Variants in PRXL2C observed in about 807,000 individuals in gnomAD.
PRXL2C encodes the protein peroxiredoxin-like 2C.
In PRXL2C, 38 loss-of-function variants were observed where a neutral mutation model predicts 24.9. The observed-to-expected ratio is 1.53, with a 90% CI of 1.18 to 2.00. The LOEUF (loss-of-function observed/expected upper bound fraction) is 2.00, where lower values mean the gene tolerates loss of function less well. Among genes scored for constraint, PRXL2C ranks in the 30% most tolerant of loss-of-function variants. The probability of loss-of-function intolerance (pLI) is 0.00; values close to 1 mark genes in which losing one functional copy is unlikely to be tolerated. For synonymous variants in PRXL2C, 98 were observed against 117.2 expected (o/e 0.84, Z 1.06); for missense variants, 294 against 290.9 (o/e 1.01, Z -0.08).
chr9:96,655,089 C>T lies in PRXL2C; in HGVS notation c.192+1G>A. On this transcript the variant is annotated splice_donor_variant, in intron 1 of 5. Transcript: ENST00000375234. LOFTEE classifies it high-confidence loss of function. ...CCCTTCCAGCCCCGCCGCCCGCTCA[C>T]CCGCACGAACACCACCACGGCGCGG... 6.9e-7 allele frequency: 1 copy of T among 1,454,042 alleles called. No homozygotes were observed. The highest frequency in any genetic ancestry group is 9.0e-7 in the Non-Finnish European group (1 of 1,109,168). The allele number at this position is 1,454,042 out of a possible 1,614,324, so 90.1% of individuals were successfully genotyped here.
rs900851899 is a variant in PRXL2C at position 96,641,292 on chromosome 9, C to A, written c.*467G>T. On this transcript the variant is annotated 3_prime_UTR_variant, in exon 6 of 6. Transcript: ENST00000375234. ...TTTGGTGTTTATTTCCTGTCTTTTT[C>A]CAAAGCATACAAAAATACAAATATA... 1 of 152,124 alleles carries A rather than the reference C, an allele frequency of 6.6e-6. No homozygotes were observed. Among genetic ancestry groups the A allele is most frequent in the African/African-American group, 2.4e-5 (1 of 41,390 alleles). The allele number at this position is 152,124 out of a possible 1,614,324, so 9.4% of individuals were successfully genotyped here.
Position 96,654,802 on chromosome 9 carries a change from G to GT in PRXL2C, c.193-30dup, listed in dbSNP as rs561155813. The GT allele has an allele frequency of 1.3e-4, 207 of 1,548,380 alleles. No individual in the cohort carries two copies. In the African/African-American group the frequency reaches 2.5e-3, roughly 19 times the overall value. On this transcript the variant is annotated intron_variant, in intron 1 of 5. Coordinates refer to ENST00000375234, the MANE Select transcript of PRXL2C (RefSeq NM_153698.2). ...AAAGCCAAAACGGCAGAAAGGGCAAGTTAGTAAAGCAGCACCCTCGGGCCC... is the reference window on the plus strand; with the variant it reads ...AAAGCCAAAACGGCAGAAAGGGCAAGTTTAGTAAAGCAGCACCCTCGGGCCC...
chr9:96,644,878 A>ATTCT lies in PRXL2C; in HGVS notation c.553+1011_553+1014dup, dbSNP rs1564408113. Among the ~76,000 whole-genome samples the ATTCT allele has an allele frequency of 2.9e-4, 17 of 58,080 alleles. 2 individuals carry two copies. Among genetic ancestry groups the ATTCT allele is most frequent in the African/African-American group, 9.4e-4 (17 of 18,116 alleles). 38.1% of individuals were successfully genotyped at this position (58,080 alleles called of 152,430 possible). On this transcript the variant is annotated intron_variant, in intron 5 of 5. Transcript: ENST00000375234. Reference sequence around the variant, plus strand: ...TTGTTAGGTATAAATAACTACATGGATTCTTTTTTTTTTTTTTTTTTTTTT... The same window carrying ATTCT: ...TTGTTAGGTATAAATAACTACATGGATTCTTTCTTTTTTTTTTTTTTTTTTTTTT...
In PRXL2C at chr9:96,646,010, T is replaced by A; in HGVS notation, c.436A>T (p.Ile146Leu). The change falls in exon 5 of 6, where the codon ATA (isoleucine) becomes TTA (leucine). Residue 146 changes from isoleucine to leucine, a missense_variant. Transcript: ENST00000375234. Reference sequence around the variant, plus strand: ...CTTCCTGAGAGTAGATTTGATTTTATGTGGGGGCTCTGTCCTGAAATGTCG... The same window carrying A: ...CTTCCTGAGAGTAGATTTGATTTTAAGTGGGGGCTCTGTCCTGAAATGTCG... ...EIASSGQSPH[I>L]KSNLLSGSLQ... The A allele has an allele frequency of 6.2e-7, 1 of 1,611,684 alleles. No homozygotes were observed. The highest frequency in any genetic ancestry group is 1.1e-5 in the South Asian group (1 of 90,536).
intron 4 of PRXL2C, among the ~76,000 whole-genome samples, chr9:96,650,665 G>A (rs1176736158): frequency 6.6e-6 from 1 of 152,050 alleles, no homozygotes; most frequent in Non-Finnish European, 1.5e-5. Flanking sequence ...ACATGGTACT[G>A]AGGTATAAAA....
chr9:96,643,928 A>T (rs1367783453), intron 5 of PRXL2C, among the ~76,000 whole-genome samples: 1 of 152,012 alleles, frequency 6.6e-6, no homozygotes, highest in African/African-American at 2.4e-5. Context: ...AAGTCAAGTA[A>T]TTGAGACCAT....
chr9:96,655,216 G>T lies in PRXL2C; in HGVS notation c.66C>A (p.Ser22Arg). 6.0e-6 allele frequency: 7 copies of T among 1,159,968 alleles called. No homozygotes were observed. The highest frequency in any genetic ancestry group is 7.4e-6 in the Non-Finnish European group (7 of 943,516). 71.9% of individuals were successfully genotyped at this position (1,159,968 alleles called of 1,614,324 possible). Residue 22 changes from serine to arginine, a missense_variant, in exon 1 of 6, where the codon AGC becomes AGA. By Grantham distance (110) the Ser-to-Arg change is moderately radical (BLOSUM62 -1). Transcript: ENST00000375234. ...CCAGGGGCTGCCCGCTGTCGGGGCCGCTCGGGGCCGGGACCAGGGCGGCGG... is the reference window on the plus strand; with the variant it reads ...CCAGGGGCTGCCCGCTGTCGGGGCCTCTCGGGGCCGGGACCAGGGCGGCGG... ...SGAAALVPAP[S>R]GPDSGQPLAA... is the part of the protein sequence containing the mutation.
intron 5 of PRXL2C, among the ~76,000 whole-genome samples, chr9:96,643,903 G>A (rs1286698305): frequency 6.6e-6 from 1 of 152,072 alleles, no homozygotes; most frequent in African/African-American, 2.4e-5. Flanking sequence ...GGGAGGCAGA[G>A]GTGGGCAGAT....
chr9:96,654,728 T>C lies in PRXL2C; in HGVS notation c.238A>G (p.Lys80Glu). ...ACTTGTAAGAAACTCCTGGGGATTT[T>C]GGCCAGATCCTCTACGTATTCCTTG... is the stretch of plus-strand genomic sequence containing the variant. Reference protein sequence around the residue: ...ICKEYVEDLAKIPRSFLQEAN... With the variant: ...ICKEYVEDLAEIPRSFLQEAN... Residue 80 changes from lysine (K) to glutamate (E), a missense_variant, in exon 2 of 6, where the codon AAA (lysine) becomes GAA (glutamate). Physicochemically the swap from Lys to Glu is moderately conservative, Grantham distance 56. Transcript: ENST00000375234. 15 of 1,566,500 alleles carry C rather than the reference T, an allele frequency of 9.6e-6. No homozygotes were observed. Among genetic ancestry groups the C allele is most frequent in the African/African-American group, 1.3e-5 (1 of 74,138 alleles).
rs575982306 is a variant in PRXL2C at position 96,645,580 on chromosome 9, G to A, written c.553+313C>T. Among the ~76,000 whole-genome samples the A allele has an allele frequency of 8.6e-5, 13 of 151,934 alleles. 1 individual carries two copies. The South Asian group carries it at 2.1e-3, about 24-fold the overall frequency. On this transcript the variant is annotated intron_variant, in intron 5 of 5. Coordinates refer to ENST00000375234, the MANE Select transcript of PRXL2C (RefSeq NM_153698.2). Reference sequence around the variant, plus strand: ...TGGGAGGCCGAGGTGGGTGGATCACGAGGTCAGGAGACCGAGACCATCCTG... The same window carrying A: ...TGGGAGGCCGAGGTGGGTGGATCACAAGGTCAGGAGACCGAGACCATCCTG...
chr9:96,644,881 C>CTTT (rs530343244), intron 5 of PRXL2C, among the ~76,000 whole-genome samples: 751 of 36,722 alleles, frequency 0.02, 195 homozygotes, highest in East Asian at 0.048. Flanking sequence ...TACATGGATT[C>CTTT]TTTTTTTTTT....
chr9:96,654,393 CA>C (rs1029418254), intron 2 of PRXL2C, among the ~76,000 whole-genome samples: 1 of 152,074 alleles, frequency 6.6e-6, no homozygotes, highest in Non-Finnish European at 1.5e-5. Context: ...TGGAGTGTAA[CA>C]AAAAATAAAG....
chr9:96,653,137 G>A (rs1848295786), intron 2 of PRXL2C, among the ~76,000 whole-genome samples: 1 of 151,940 alleles, frequency 6.6e-6, no homozygotes, highest in African/African-American at 2.4e-5. Flanking sequence ...TGAGGCAGGA[G>A]AATGGCGTGA....
In PRXL2C at chr9:96,641,689, GAT is replaced by G; in HGVS notation, c.*68_*69del. On this transcript the variant is annotated 3_prime_UTR_variant, in exon 6 of 6. Transcript: ENST00000375234. Reference sequence around the variant, plus strand: ...GACAGCAGGTTAGACACTGCACGAGGATATTACACCCAGGCATTGAAGGTCAC... The same window carrying G: ...GACAGCAGGTTAGACACTGCACGAGGATTACACCCAGGCATTGAAGGTCAC... 6.9e-7 allele frequency: 1 copy of G among 1,445,852 alleles called. No homozygotes were observed. Among genetic ancestry groups the G allele is most frequent in the Non-Finnish European group, 9.3e-7 (1 of 1,076,082 alleles). 89.6% of individuals were successfully genotyped at this position (1,445,852 alleles called of 1,614,324 possible).
intron 4 of PRXL2C, among the ~76,000 whole-genome samples, chr9:96,648,002 C>A (rs1848218139): frequency 6.6e-6 from 1 of 152,104 alleles, no homozygotes; most frequent in African/African-American, 2.4e-5. Flanking sequence ...CTCCCAGGCT[C>A]CAATCGATTC....
intron 5 of PRXL2C, among the ~76,000 whole-genome samples, chr9:96,644,168 A>G (rs1234732610): frequency 1.3e-5 from 2 of 152,070 alleles, no homozygotes; most frequent in Non-Finnish European, 2.9e-5. Flanking sequence ...ATCAAAGTAA[A>G]TATTACTCAT....
chr9:96,646,141 T>C lies in PRXL2C; in HGVS notation c.422-117A>G, dbSNP rs1388644944. ...CTTTAAAGAATGGTTTCTCAATCTT[T>C]TACCATCAACATTTTGGCTCAGATC... On this transcript the variant is annotated intron_variant, in intron 4 of 5. Transcript: ENST00000375234. 4 of 1,173,578 alleles carry C rather than the reference T, an allele frequency of 3.4e-6. No individual in the cohort carries two copies. The African/African-American group carries it at 4.7e-5, about 14-fold the overall frequency. The allele number at this position is 1,173,578 out of a possible 1,614,324, so 72.7% of individuals were successfully genotyped here.
At chr9:96,651,328 T>C in intron 4 of PRXL2C, 62 bp downstream of exon 4, 1 of 1,212,492 alleles carries the variant, frequency 8.2e-7, no homozygotes, top group Non-Finnish European at 1.2e-6. Context: ...TCCCTATGCA[T>C]ATATACACAA....
rs1848121004 is a variant in PRXL2C, at chr9:96,641,830, T to C, written c.610A>G (p.Asn204Asp). 1 of 1,567,844 alleles carries C rather than the reference T, an allele frequency of 6.4e-7. No individual in the cohort carries two copies. Among genetic ancestry groups the C allele is most frequent in the Admixed American group, 1.7e-5 (1 of 59,016 alleles). ...ACTCCTACAAGCTGTAAAACAGAGTTGATAGGTTTGTGATCCAACCTATTC... is the reference window on the plus strand; with the variant it reads ...ACTCCTACAAGCTGTAAAACAGAGTCGATAGGTTTGTGATCCAACCTATTC... ...DRNRLDHKPINSVLQLVGVQH... is the reference protein window; with the variant it reads ...DRNRLDHKPIDSVLQLVGVQH... The change falls in exon 6 of 6, where the codon AAC becomes GAC. Residue 204 changes from asparagine to aspartate, a missense_variant. Physicochemically the swap from Asn to Asp is conservative, Grantham distance 23. Coordinates refer to ENST00000375234, the MANE Select transcript of PRXL2C (RefSeq NM_153698.2).
Sources: allele counts gnomAD v4.1 joint callset (sites outside exome capture counted in the v4.1 genomes callset), GRCh38; gene constraint gnomAD v4.1.1; transcripts MANE v1.5; gene names NCBI Gene and HGNC (gene_info 2026-07-23, HGNC 2026-07-21).